Variants in EPB42 observed in about 807,000 individuals in gnomAD.
EPB42 encodes erythrocyte membrane protein band 4.2.
A neutral mutation model predicts 76.9 loss-of-function variants in EPB42; 49 were observed. The ratio of observed to expected loss-of-function variants is 0.64; its 90% confidence interval spans 0.51 to 0.81. The LOEUF (loss-of-function observed/expected upper bound fraction) is 0.81, where lower values mean the gene tolerates loss of function less well. EPB42 is among the 30% of genes least tolerant of loss of function. The probability of loss-of-function intolerance (pLI) is 0.00; values close to 1 mark genes in which losing one functional copy is unlikely to be tolerated. For missense variants in EPB42, 731 were observed against 867.6 expected, an observed-to-expected ratio of 0.84 and a Z score of 1.98; for synonymous variants, 310 against 338.4, an observed-to-expected ratio of 0.92 and a Z score of 0.92.
chr15:43,215,286 G>C lies in EPB42; in HGVS notation c.239C>G (p.Pro80Arg). Residue 80 changes from proline (P) to arginine (R), a missense_variant, in exon 3 of 13, where the codon CCA (proline) becomes CGA (arginine). Physicochemically the swap from Pro to Arg is moderately radical, Grantham distance 103. Coordinates refer to ENST00000441366, the MANE Select transcript of EPB42 (RefSeq NM_001114134.2). ...SKINRTQATF[P>R]ISSLGDRKWW... is the part of the protein sequence containing the mutation. Reference sequence around the variant, plus strand: ...CTTTCGGTCCCCCAGACTGGAAATTGGGAATGTGGCTTGGGTCCTGTTGAT... The same window carrying C: ...CTTTCGGTCCCCCAGACTGGAAATTCGGAATGTGGCTTGGGTCCTGTTGAT... The C allele has an allele frequency of 6.2e-7, 1 of 1,614,214 alleles. No homozygotes were observed. The highest frequency in any genetic ancestry group is 8.5e-7 in the Non-Finnish European group (1 of 1,180,032).
intron 4 of EPB42, among the ~76,000 whole-genome samples, chr15:43,211,150 G>T (rs986744448): frequency 3.3e-5 from 5 of 152,160 alleles, no homozygotes; most frequent in African/African-American, 7.2e-5. Flanking sequence ...TGGATGTTAG[G>T]CTAGGGGGAT....
Position 43,208,138 on chromosome 15 carries a change from C to A in EPB42, c.1075+92G>T, listed in dbSNP as rs970448811. The A allele has an allele frequency of 9.0e-6, 10 of 1,105,700 alleles. No homozygotes were observed. The East Asian group carries it at 2.2e-4, about 25-fold the overall frequency. 68.5% of individuals were successfully genotyped at this position (1,105,700 alleles called of 1,614,324 possible). Reference sequence around the variant, plus strand: ...TTCTACTGTTTTCGAGGATGCAGACCCCCTTGGGACTGCCTGCTGCTCCCG... The same window carrying A: ...TTCTACTGTTTTCGAGGATGCAGACACCCTTGGGACTGCCTGCTGCTCCCG... On this transcript the variant is annotated intron_variant, in intron 8 of 12. Coordinates refer to ENST00000441366, the MANE Select transcript of EPB42 (RefSeq NM_001114134.2).
intron 5 of EPB42, among the ~76,000 whole-genome samples, chr15:43,209,821 A>T (rs1451267764): frequency 6.6e-6 from 1 of 152,194 alleles, no homozygotes; most frequent in Admixed American, 6.5e-5. Context: ...TTCAACTCAC[A>T]GGCTGGCCTG....
intron 1 of EPB42, among the ~76,000 whole-genome samples, chr15:43,220,536 A>T (rs2042441500): frequency 2.0e-5 from 3 of 151,654 alleles, no homozygotes; most frequent in African/African-American, 7.3e-5. Flanking sequence ...CTACCCCATA[A>T]CCACCCCACA....
chr15:43,216,230 G>C (rs1486713339), intron 2 of EPB42, 38 bp downstream of exon 2: 2 of 1,610,994 alleles, frequency 1.2e-6, no homozygotes, highest in South Asian at 1.1e-5. Context: ...GAACCCCCCA[G>C]GCCTGCTGCC....
upstream of EPB42, among the ~76,000 whole-genome samples, chr15:43,225,170 A>G (rs1456773717): frequency 6.6e-6 from 1 of 152,212 alleles, no homozygotes; most frequent in Non-Finnish European, 1.5e-5. Flanking sequence ...GAGAATATAT[A>G]TGAATTTGCT....
At chr15:43,198,293 G>A (rs150860254) in intron 12 of EPB42, among the ~76,000 whole-genome samples, 56 of 152,294 alleles carry the variant, frequency 3.7e-4, no homozygotes, top group East Asian at 2.5e-3. Context: ...TAGCTTTGCC[G>A]AAAATGCTGA....
intron 11 of EPB42, 143 bp from the exon 12 acceptor site, chr15:43,202,120 C>T (rs1596403321): frequency 3.5e-6 from 4 of 1,131,400 alleles, no homozygotes; most frequent in South Asian, 2.6e-5. Flanking sequence ...TGTCTTCTAC[C>T]GCTCTACCTG....
At position 43,215,217 on chromosome 15, in the gene EPB42, G is replaced by T. The variant is rs1374938976; in HGVS notation, c.308C>A (p.Thr103Asn). The T allele has an allele frequency of 2.5e-6, 4 of 1,614,212 alleles. No individual in the cohort carries two copies. The East Asian group carries it at 8.9e-5, about 36-fold the overall frequency. ...VVEERDAQSWTISVTTPADAV... is the reference protein window; with the variant it reads ...VVEERDAQSWNISVTTPADAV... ...GTCCGCAGGTGTGGTCACAGAGATGGTCCAGGACTGGGCATCTCTCTCCTC... is the reference window on the plus strand; with the variant it reads ...GTCCGCAGGTGTGGTCACAGAGATGTTCCAGGACTGGGCATCTCTCTCCTC... Residue 103 changes from threonine (T) to asparagine (N), a missense_variant, in exon 3 of 13, where the codon ACC (threonine) becomes AAC (asparagine). Thr to Asn is a moderately conservative substitution (Grantham distance 65, BLOSUM62 0). Coordinates refer to ENST00000441366, the MANE Select transcript of EPB42 (RefSeq NM_001114134.2).
intron 1 of EPB42, among the ~76,000 whole-genome samples, chr15:43,217,279 A>G (rs1055921399): frequency 6.6e-6 from 1 of 151,906 alleles, no homozygotes; most frequent in African/African-American, 2.4e-5. Flanking sequence ...TCTCTTTCCC[A>G]CCAGCCATGT....
chr15:43,217,531 A>G (rs2042397743), intron 1 of EPB42, among the ~76,000 whole-genome samples: 1 of 43,346 alleles, frequency 2.3e-5, no homozygotes, highest in South Asian at 1.1e-3. Context: ...GATAAGGAAC[A>G]ATGCTGGAAA....
chr15:43,215,275 G>C lies in EPB42; in HGVS notation c.250C>G (p.Leu84Val). The change falls in exon 3 of 13, where the codon CTG becomes GTG. Residue 84 changes from leucine (L) to valine (V), a missense_variant. By Grantham distance (32) the Leu-to-Val change is conservative (BLOSUM62 1). Transcript: ENST00000441366. The stretch of plus-strand genomic sequence containing the variant: ...GCACTCCACCACTTTCGGTCCCCCA[G>C]ACTGGAAATTGGGAATGTGGCTTGG... ...RTQATFPISS[L>V]GDRKWWSAVV... 1 of 1,614,234 alleles carries C rather than the reference G, an allele frequency of 6.2e-7. No homozygotes were observed. The highest frequency in any genetic ancestry group is 8.5e-7 in the Non-Finnish European group (1 of 1,180,036).
intron 10 of EPB42, among the ~76,000 whole-genome samples, chr15:43,203,751 C>T (rs2042161410): frequency 6.6e-6 from 1 of 152,142 alleles, no homozygotes; most frequent in African/African-American, 2.4e-5. Context: ...ATCCTGACCC[C>T]ATCACACTAG....
intron 12 of EPB42, among the ~76,000 whole-genome samples, chr15:43,198,154 C>A (rs2042073307): frequency 6.6e-6 from 1 of 152,102 alleles, no homozygotes; most frequent in Non-Finnish European, 1.5e-5. Flanking sequence ...TGGGGCATGG[C>A]TGAAAAGATA....
rs752714583 is a variant in EPB42, at chr15:43,215,174, G to A, written c.351C>T (p.Tyr117=). Reference sequence around the variant, plus strand: ...TGCCTGAGACCTGCAGCAGAAGCGAGTAGTGGCCAATGACAGCGTCCGCAG... The same window carrying A: ...TGCCTGAGACCTGCAGCAGAAGCGAATAGTGGCCAATGACAGCGTCCGCAG... The part of the protein sequence containing the change: ...TTPADAVIGH[Y]SLLLQVSGRK... Residue 117 remains tyrosine, a synonymous_variant, in exon 3 of 13, where the codon TAC becomes TAT. Coordinates refer to ENST00000441366, the MANE Select transcript of EPB42 (RefSeq NM_001114134.2). 7 of 1,614,270 alleles carry A rather than the reference G, an allele frequency of 4.3e-6. No individual in the cohort carries two copies. Among genetic ancestry groups the A allele is most frequent in the Non-Finnish European group, 5.9e-6 (7 of 1,180,054 alleles).
In EPB42 at chr15:43,203,415, TG is replaced by T. The variant is rs2042156797; in HGVS notation, c.1619-141del. ...CCATTTTCCCCAGCAATTGTACACTTGGAACTCACTCAAGACCTCACTCCTC... is the reference window on the plus strand; with the variant it reads ...CCATTTTCCCCAGCAATTGTACACTTGAACTCACTCAAGACCTCACTCCTC... On this transcript the variant is annotated intron_variant, in intron 10 of 12. Transcript: ENST00000441366. 5.4e-6 allele frequency: 6 copies of T among 1,117,040 alleles called. No homozygotes were observed. The Admixed American group carries it at 1.0e-4, about 19-fold the overall frequency. 69.2% of individuals were successfully genotyped at this position (1,117,040 alleles called of 1,614,324 possible). A position where few individuals can be genotyped will look rare whatever the true frequency, so the allele number is the denominator to read the frequency against.
chr15:43,204,966 C>CG (rs1442841758), intron 10 of EPB42, among the ~76,000 whole-genome samples: 2 of 137,280 alleles, frequency 1.5e-5, no homozygotes, highest in African/African-American at 2.8e-5. Context: ...CCCCCTCCGC[C>CG]CCCCCCCCAA....
chr15:43,203,702 T>C (rs530305), intron 10 of EPB42, among the ~76,000 whole-genome samples: 132,544 of 151,976 alleles, frequency 0.87, 57,963 homozygotes, highest in Middle Eastern at 0.92. Context: ...GTATCCCCCC[T>C]GCCTAAGTTG....
chr15:43,216,611 TCA>T (rs1390898749), intron 1 of EPB42, among the ~76,000 whole-genome samples, 158 bp from the exon 2 acceptor site: 1 of 152,244 alleles, frequency 6.6e-6, no homozygotes, highest in African/African-American at 2.4e-5. Flanking sequence ...ACCCTGAGCC[TCA>T]GTTTCCTTTT....
Sources: gnomAD v4.1 joint callset for allele counts (sites outside exome capture counted in the v4.1 genomes callset) on GRCh38, gnomAD v4.1.1 for gene constraint, MANE v1.5 for transcripts, NCBI Gene and HGNC (gene_info 2026-07-23, HGNC 2026-07-21) for gene names.